DENND1A: variants seen among roughly 807,000 people sequenced by gnomAD.
DENND1A encodes DENN domain-containing protein 1A.
Under a neutral mutation model 113.7 loss-of-function variants are expected in DENND1A, and 51 were observed. The observed-to-expected ratio is 0.45, with a 90% CI of 0.36 to 0.57. DENND1A has a LOEUF of 0.57. Ranked by LOEUF, DENND1A falls within the 20% of genes least tolerant of loss-of-function variation. The pLI is 0.00. For missense variants in DENND1A, 1,258 were observed against 1,395.9 expected (o/e 0.90, Z 1.57); for synonymous variants, 565 against 570.8 (o/e 0.99, Z 0.14).
chr9:123,600,830 T>TA (rs111709215), intron 11 of DENND1A, among the ~76,000 whole-genome samples: 13,811 of 138,748 alleles, frequency 0.1, 691 homozygotes, highest in African/African-American at 0.13. Flanking sequence ...GACTCCATCA[T>TA]AAAAAAAAAA....
At chr9:123,468,636 C>T (rs544248482) in intron 13 of DENND1A, among the ~76,000 whole-genome samples, 2 of 152,226 alleles carry the variant, frequency 1.3e-5, no homozygotes, top group African/African-American at 2.4e-5. Context: ...CTTCTTCTTA[C>T]AGGGTCAGCT....
At position 123,764,357 on chromosome 9, in the gene DENND1A, TAACA is replaced by T. The variant is rs1297051118; in HGVS notation, c.182+5153_182+5156del. Among the ~76,000 whole-genome samples, 1 of 152,214 alleles carries T rather than the reference TAACA, an allele frequency of 6.6e-6. No individual in the cohort carries two copies. The highest frequency in any genetic ancestry group is 1.5e-5 in the Non-Finnish European group (1 of 68,028). On this transcript the variant is annotated intron_variant, in intron 4 of 23. Transcript: ENST00000394215. This position sits in a 1 kb window ranked among gnomAD's most constrained non-coding sequence, Gnocchi z 4.1. ...TATCTGTTGTCCATGGCAGGGCACCTAACAGACACTTTTCCTTTCCTTCAGTGCG... is the reference window on the plus strand; with the variant it reads ...TATCTGTTGTCCATGGCAGGGCACCTGACACTTTTCCTTTCCTTCAGTGCG...
intron 10 of DENND1A, among the ~76,000 whole-genome samples, chr9:123,623,207 C>T (rs1589396452): frequency 6.6e-6 from 1 of 152,104 alleles, no homozygotes; most frequent in East Asian, 1.9e-4. Flanking sequence ...AAGTTTTCCC[C>T]TGAGCTCTCA....
intron 7 of DENND1A, 126 bp downstream of exon 7, chr9:123,671,165 C>G (rs2063743316): frequency 9.4e-7 from 1 of 1,064,176 alleles, no homozygotes; most frequent in African/African-American, 1.6e-5. Context: ...TCAGAGGTCT[C>G]AGAGTATTTG....
intron 11 of DENND1A, among the ~76,000 whole-genome samples, chr9:123,598,355 C>T (rs2059790237): frequency 6.6e-6 from 1 of 151,390 alleles, no homozygotes; most frequent in South Asian, 2.1e-4. Flanking sequence ...ATGTCATTAC[C>T]CAAAAGTGTC....
At chr9:123,475,681 C>A (rs1260272117) in intron 13 of DENND1A, among the ~76,000 whole-genome samples, 1 of 152,240 alleles carries the variant, frequency 6.6e-6, no homozygotes, top group Non-Finnish European at 1.5e-5. Flanking sequence ...CGCCTGCCAT[C>A]GCAGGTGTGG....
At chr9:123,680,155 C>A (rs1589641875) in intron 5 of DENND1A, among the ~76,000 whole-genome samples, 1 of 152,130 alleles carries the variant, frequency 6.6e-6, no homozygotes, top group African/African-American at 2.4e-5. Context: ...CATCATGACC[C>A]AATCAGAAGA....
chr9:123,409,205 C>A (rs115559647), intron 20 of DENND1A, among the ~76,000 whole-genome samples: 3,048 of 152,214 alleles, frequency 0.02, 89 homozygotes, highest in African/African-American at 0.07. Flanking sequence ...TTCTCTTCTC[C>A]TCTGTGTCTC....
intron 11 of DENND1A, among the ~76,000 whole-genome samples, chr9:123,595,470 C>T (rs955538146): frequency 6.6e-5 from 10 of 152,130 alleles, no homozygotes; most frequent in South Asian, 2.1e-4. Flanking sequence ...AGGGGCTCCC[C>T]GCCTCTCCTT....
At chr9:123,455,595 G>A (rs1256760317) in intron 15 of DENND1A, among the ~76,000 whole-genome samples, 3 of 152,192 alleles carry the variant, frequency 2.0e-5, no homozygotes, top group Non-Finnish European at 2.9e-5. Flanking sequence ...TGAGACATCC[G>A]TACTCTGGGA....
At chr9:123,683,101 A>G (rs1449153103) in intron 5 of DENND1A, among the ~76,000 whole-genome samples, 2 of 152,176 alleles carry the variant, frequency 1.3e-5, no homozygotes, top group Non-Finnish European at 2.9e-5. Flanking sequence ...CCAAACATCT[A>G]TAATAAAATG....
intron 13 of DENND1A, chr9:123,485,689 C>CACACACACACACAG (rs1344024675): frequency 6.7e-6 from 1 of 148,834 alleles, no homozygotes; most frequent in African/African-American, 2.5e-5. Flanking sequence ...CACACACACA[C>CACACACACACACAG]ACGCAGTGTG....
chr9:123,554,618 C>T (rs1051193349), intron 13 of DENND1A, among the ~76,000 whole-genome samples: 2 of 152,216 alleles, frequency 1.3e-5, no homozygotes, highest in Non-Finnish European at 2.9e-5. Flanking sequence ...GTTTCCTTCT[C>T]CACCTTATGG....
intron 19 of DENND1A, among the ~76,000 whole-genome samples, chr9:123,427,492 A>G (rs959069257): frequency 6.6e-6 from 1 of 152,150 alleles, no homozygotes; most frequent in African/African-American, 2.4e-5. Flanking sequence ...CTGGTCTGCC[A>G]TGCGCTAACC....
At chr9:123,733,667 G>GTTT (rs772573172) in intron 5 of DENND1A, among the ~76,000 whole-genome samples, 2 of 137,214 alleles carry the variant, frequency 1.5e-5, no homozygotes, top group African/African-American at 6.0e-5. Flanking sequence ...ATTCTTGTTG[G>GTTT]TTATTTTTTT....
chr9:123,914,510 A>C (rs1267149923), intron 1 of DENND1A, among the ~76,000 whole-genome samples: 1 of 143,342 alleles, frequency 7.0e-6, no homozygotes, highest in Admixed American at 7.2e-5. Flanking sequence ...GCGCCACTGC[A>C]CTCCAGCCTG....
At position 123,501,995 on chromosome 9, in the gene DENND1A, C is replaced by A. The variant is rs145811343; in HGVS notation, c.994-44098G>T. On this transcript the variant is annotated intron_variant, in intron 13 of 23. Coordinates refer to ENST00000394215, the MANE Select transcript of DENND1A (RefSeq NM_001352964.2). ...TAAACTCCCCTTTATATATATATAT[C>A]TCTCCTATTGGTTCTGTCCCTCTAG... is the stretch of plus-strand genomic sequence containing the variant. Among the ~76,000 whole-genome samples, 1,185 of 149,870 alleles carry A rather than the reference C, an allele frequency of 7.9e-3. 14 individuals are homozygous for A. Among genetic ancestry groups the A allele is most frequent in the African/African-American group, 0.022 (913 of 41,114 alleles).
chr9:123,799,067 C>T (rs1000437094), intron 2 of DENND1A, among the ~76,000 whole-genome samples: 6 of 151,984 alleles, frequency 3.9e-5, no homozygotes, highest in Admixed American at 3.3e-4. Context: ...GACAGCTGTG[C>T]CCTTTATGTA....
chr9:123,859,996 T>G (rs1404803649), intron 2 of DENND1A, among the ~76,000 whole-genome samples: 1 of 152,110 alleles, frequency 6.6e-6, no homozygotes, highest in Non-Finnish European at 1.5e-5. Flanking sequence ...GCTGTGTTTT[T>G]AAAAGATTGC....
Sources: gnomAD v4.1 joint callset for allele counts (sites outside exome capture counted in the v4.1 genomes callset) on GRCh38, gnomAD v4.1.1 for gene constraint, Gnocchi (gnomAD v3.1) non-coding constraint, MANE v1.5 for transcripts, NCBI Gene and HGNC (gene_info 2026-07-23, HGNC 2026-07-21) for gene names.